The following RNASEK variants were observed in gnomAD, a reference collection of about 807,000 sequenced individuals.
The protein encoded by RNASEK is ribonuclease kappa.
Under a neutral mutation model 11.2 loss-of-function variants are expected in RNASEK, and 7 were observed. The observed-to-expected ratio is 0.62, with a 90% CI of 0.35 to 1.17. The LOEUF (loss-of-function observed/expected upper bound fraction) is 1.17, where lower values mean the gene tolerates loss of function less well. Among genes scored for constraint, RNASEK ranks in the 50% most tolerant of loss-of-function variants. RNASEK has a pLI of 0.02. For missense variants in RNASEK, 101 were observed against 126.7 expected (o/e 0.80, Z 0.97); for synonymous variants, 46 against 49.5 (o/e 0.93, Z 0.30).
At chr17:7,013,002 G>A in intron 1 of RNASEK, 1 of 533,514 alleles carries the variant, frequency 1.9e-6, no homozygotes. Context: ...GCGCCCGCCT[G>A]TAATCCCAGC....
intron 1 of RNASEK, 170 bp downstream of exon 1, chr17:7,012,931 C>T: frequency 1.6e-6 from 1 of 627,070 alleles, no homozygotes; most frequent in Non-Finnish European, 2.7e-6. Flanking sequence ...TCGAGACCAG[C>T]CTGACCAACA....
At position 7,013,418 on chromosome 17, in the gene RNASEK, G is replaced by A. The variant is rs1473253617; in HGVS notation, c.79-248G>A. 3.3e-6 allele frequency: 5 copies of A among 1,535,954 alleles called. No individual in the cohort carries two copies. The South Asian group carries it at 4.7e-5, about 15-fold the overall frequency. On this transcript the variant is annotated intron_variant, in intron 1 of 2. Coordinates refer to ENST00000593646, the MANE Select transcript of RNASEK (RefSeq NM_001004333.5). ...CCCGTGATGATGACGCCTCCAGAGA[G>A]GACGATAATCTGGGTTCCTGGGAGA... is the stretch of plus-strand genomic sequence containing the variant.
rs1909664297 is a variant in RNASEK at position 7,014,461 on chromosome 17, G to A, written c.*175G>A. 2 of 662,036 alleles carry A rather than the reference G, an allele frequency of 3.0e-6. No individual in the cohort carries two copies. The highest frequency in any genetic ancestry group is 3.6e-5 in the African/African-American group (2 of 54,940). 41.0% of individuals were successfully genotyped at this position (662,036 alleles called of 1,614,324 possible). A position where few individuals can be genotyped will look rare whatever the true frequency, so the allele number is the denominator to read the frequency against. Reference sequence around the variant, plus strand: ...TCCGGCCCCCGTGGAGAGGGCTGAGGCTGGGGGGCTGTTCCGTTTCTCCAC... The same window carrying A: ...TCCGGCCCCCGTGGAGAGGGCTGAGACTGGGGGGCTGTTCCGTTTCTCCAC... On this transcript the variant is annotated 3_prime_UTR_variant, in exon 3 of 3. Transcript: ENST00000593646. This position sits in a 1 kb window ranked among gnomAD's most constrained non-coding sequence, Gnocchi z 4.5.
At chr17:7,013,197 G>C in intron 1 of RNASEK, 1 of 669,628 alleles carries the variant, frequency 1.5e-6, no homozygotes, top group Non-Finnish European at 2.4e-6. Flanking sequence ...TAAAGGTGGA[G>C]ACCCCTCAAG....
chr17:7,013,244 T>G, intron 1 of RNASEK: 51 of 1,155,594 alleles, frequency 4.4e-5, no homozygotes, highest in Non-Finnish European at 5.5e-5. Flanking sequence ...GAGAGGTGCT[T>G]GAGTTGAATG....
At chr17:7,012,800 G>C (rs776823030) in intron 1 of RNASEK, 39 bp downstream of exon 1, 3 of 1,590,538 alleles carry the variant, frequency 1.9e-6, no homozygotes, top group Non-Finnish European at 1.7e-6. Flanking sequence ...GAGGGCCTGA[G>C]GGGCTCCGGG....
rs746239350 is a variant in RNASEK at position 7,012,776 on chromosome 17, C to G, written c.78+15C>G. 1.9e-6 allele frequency: 3 copies of G among 1,609,540 alleles called. No individual in the cohort carries two copies. The highest frequency in any genetic ancestry group is 2.5e-6 in the Non-Finnish European group (3 of 1,178,686). On this transcript the variant is annotated intron_variant, in intron 1 of 2. Coordinates refer to ENST00000593646, the MANE Select transcript of RNASEK (RefSeq NM_001004333.5). Reference sequence around the variant, plus strand: ...TGATCATGTTGGTGAGGGGACTCCCCGGCAAGGATCGGAGAGGGCCTGAGG... The same window carrying G: ...TGATCATGTTGGTGAGGGGACTCCCGGGCAAGGATCGGAGAGGGCCTGAGG...
Position 7,014,012 on chromosome 17 carries a change from C to A in RNASEK, c.156-133C>A. On this transcript the variant is annotated intron_variant, in intron 2 of 2. Transcript: ENST00000593646. The surrounding 1 kb of genome is among the most constrained non-coding windows in gnomAD (Gnocchi z 4.5). ...TGCAAAATGGCTATGACAGATCTCACCCCATAGGATGGTCAAGAAGATTGA... is the reference window on the plus strand; with the variant it reads ...TGCAAAATGGCTATGACAGATCTCAACCCATAGGATGGTCAAGAAGATTGA... 1.1e-6 allele frequency: 1 copy of A among 870,024 alleles called. No homozygotes were observed. The highest frequency in any genetic ancestry group is 1.8e-6 in the Non-Finnish European group (1 of 551,058). The allele number at this position is 870,024 out of a possible 1,614,324, so 53.9% of individuals were successfully genotyped here.
Position 7,014,288 on chromosome 17 carries a change from G to T in RNASEK, c.*2G>T. On this transcript the variant is annotated 3_prime_UTR_variant, in exon 3 of 3. Transcript: ENST00000593646. This position sits in a 1 kb window ranked among gnomAD's most constrained non-coding sequence, Gnocchi z 4.5. ...CGCAAGGAATACATGGTGCGCTAGG[G>T]CCCCGGCGCGTTTCCCCGCTCCAGC... The T allele has an allele frequency of 6.2e-7, 1 of 1,613,688 alleles. No individual in the cohort carries two copies.
At chr17:7,013,768 G>A in intron 2 of RNASEK, 26 bp downstream of exon 2, 2 of 1,513,914 alleles carry the variant, frequency 1.3e-6, no homozygotes, top group Non-Finnish European at 1.8e-6. Context: ...GGGGAGGCGG[G>A]CTGGGAGCAG....
chr17:7,013,132 A>C, intron 1 of RNASEK: 1 of 469,478 alleles, frequency 2.1e-6, no homozygotes, highest in South Asian at 2.5e-5. Context: ...CCCCAAAGAA[A>C]AAGAAAAAAG....
chr17:7,013,909 C>T (rs1909617635), intron 2 of RNASEK, 167 bp downstream of exon 2: 1 of 713,138 alleles, frequency 1.4e-6, no homozygotes, highest in East Asian at 2.6e-5. Flanking sequence ...AGTCAGACCT[C>T]AGCGGCCATC....
chr17:7,013,347 AATGAT>A (rs1423555058), intron 1 of RNASEK: 13 of 1,525,882 alleles, frequency 8.5e-6, no homozygotes, highest in Middle Eastern at 3.4e-4. Context: ...TTCAAGAAGA[AATGAT>A]ATGAAGAAGT....
In RNASEK at chr17:7,012,668, C is replaced by G; in HGVS notation, c.-16C>G. 6.2e-7 allele frequency: 1 copy of G among 1,612,342 alleles called. No homozygotes were observed. The highest frequency in any genetic ancestry group is 2.2e-5 in the East Asian group (1 of 44,870). Reference sequence around the variant, plus strand: ...CGAGCCCGCTTGCACCTCGGCGATCCCCGACTCCCTTCTTTATGGCGTCGC... The same window carrying G: ...CGAGCCCGCTTGCACCTCGGCGATCGCCGACTCCCTTCTTTATGGCGTCGC... On this transcript the variant is annotated 5_prime_UTR_variant, in exon 1 of 3. Coordinates refer to ENST00000593646, the MANE Select transcript of RNASEK (RefSeq NM_001004333.5).
At chr17:7,013,019 G>T in intron 1 of RNASEK, 1 of 505,998 alleles carries the variant, frequency 2.0e-6, no homozygotes, top group Non-Finnish European at 3.5e-6. Context: ...CAGCTACTCA[G>T]GAGGCTGAGG....
At position 7,014,047 on chromosome 17, in the gene RNASEK, T is replaced by C. The variant is rs940142303; in HGVS notation, c.156-98T>C. On this transcript the variant is annotated intron_variant, in intron 2 of 2. Coordinates refer to ENST00000593646, the MANE Select transcript of RNASEK (RefSeq NM_001004333.5). This position sits in a 1 kb window ranked among gnomAD's most constrained non-coding sequence, Gnocchi z 4.5. ...TGGTCAAGAAGATTGAATAAAGTAA[T>C]ACACGTAACAGCGCCTAAACAGGTG... 8.9e-7 allele frequency: 1 copy of C among 1,120,446 alleles called. No homozygotes were observed. Among genetic ancestry groups the C allele is most frequent in the African/African-American group, 1.6e-5 (1 of 64,228 alleles). The allele number at this position is 1,120,446 out of a possible 1,614,324, so 69.4% of individuals were successfully genotyped here. A position where few individuals can be genotyped will look rare whatever the true frequency, so the allele number is the denominator to read the frequency against.
chr17:7,013,119 C>G, intron 1 of RNASEK: 1 of 454,006 alleles, frequency 2.2e-6, no homozygotes, highest in Non-Finnish European at 3.9e-6. Context: ...AGCGAGACTC[C>G]GTCCCCAAAG....
Position 7,014,059 on chromosome 17 carries a change from C to T in RNASEK, c.156-86C>T, listed in dbSNP as rs1909632722. ...TTGAATAAAGTAATACACGTAACAG[C>T]GCCTAAACAGGTGTCGGGCACATAG... On this transcript the variant is annotated intron_variant, in intron 2 of 2. Coordinates refer to ENST00000593646, the MANE Select transcript of RNASEK (RefSeq NM_001004333.5). The surrounding 1 kb of genome is among the most constrained non-coding windows in gnomAD (Gnocchi z 4.5). 3 of 1,229,012 alleles carry T rather than the reference C, an allele frequency of 2.4e-6. No individual in the cohort carries two copies. The highest frequency in any genetic ancestry group is 1.5e-5 in the African/African-American group (1 of 66,404). 76.1% of individuals were successfully genotyped at this position (1,229,012 alleles called of 1,614,324 possible). A position where few individuals can be genotyped will look rare whatever the true frequency, so the allele number is the denominator to read the frequency against.
chr17:7,014,293 G>A lies in RNASEK; in HGVS notation c.*7G>A, dbSNP rs1198614927. ...GGAATACATGGTGCGCTAGGGCCCC[G>A]GCGCGTTTCCCCGCTCCAGCCCCTC... On this transcript the variant is annotated 3_prime_UTR_variant, in exon 3 of 3. Coordinates refer to ENST00000593646, the MANE Select transcript of RNASEK (RefSeq NM_001004333.5). The surrounding 1 kb of genome is among the most constrained non-coding windows in gnomAD (Gnocchi z 4.5). 4 of 1,613,456 alleles carry A rather than the reference G, an allele frequency of 2.5e-6. No individual in the cohort carries two copies. The African/African-American group carries it at 4.0e-5, about 16-fold the overall frequency.
Sources: allele counts gnomAD v4.1 joint callset, GRCh38; gene constraint gnomAD v4.1.1; non-coding constraint Gnocchi (gnomAD v3.1); transcripts MANE v1.5; gene names NCBI Gene and HGNC (gene_info 2026-07-23, HGNC 2026-07-21).